GNG7: variants seen among roughly 807,000 people sequenced by gnomAD.
GNG7 encodes G protein subunit gamma 7.
GNG7 carries 1 observed loss-of-function variant against 4.0 expected under a neutral mutation model. The observed-to-expected ratio is 0.25, with a 90% confidence interval of 0.09 to 1.18. The LOEUF (loss-of-function observed/expected upper bound fraction) is 1.18. GNG7 is among the 50% of genes most tolerant of loss of function. The pLI is 0.50. For missense variants in GNG7, 86 were observed against 91.9 expected (o/e 0.94, Z 0.26); for synonymous variants, 34 against 36.9 (o/e 0.92, Z 0.29).
Position 2,612,510 on chromosome 19 carries a change from C to G in GNG7, c.-78+33714G>C, listed in dbSNP as rs568545598. ...CAGTGAGAAGACTGAAGCCAGGACC[C>G]CCCCCAGGCAGGACCCAGGCTCCCA... On this transcript the variant is annotated intron_variant, in intron 2 of 4. Transcript: ENST00000382159. Among the ~76,000 whole-genome samples the G allele has an allele frequency of 7.6e-4, 115 of 152,190 alleles. 2 individuals are homozygous for G. The highest frequency in any genetic ancestry group is 2.6e-3 in the African/African-American group (109 of 41,542).
intron 2 of GNG7, among the ~76,000 whole-genome samples, chr19:2,599,737 G>C (rs1981142705): frequency 1.3e-5 from 2 of 152,108 alleles, no homozygotes; most frequent in Non-Finnish European, 2.9e-5. Flanking sequence ...AGGAGTTCGA[G>C]ACCAGCCTGG....
intron 1 of GNG7, among the ~76,000 whole-genome samples, chr19:2,668,160 T>G (rs1983357592): frequency 6.6e-6 from 1 of 151,788 alleles, no homozygotes; most frequent in African/African-American, 2.4e-5. Context: ...GATGAAACTG[T>G]CTGCACTGCA....
intron 1 of GNG7, among the ~76,000 whole-genome samples, chr19:2,687,059 T>C (rs925976105): frequency 4.0e-5 from 6 of 148,340 alleles, no homozygotes; most frequent in Admixed American, 1.3e-4. Flanking sequence ...GCCACTTTTT[T>C]TCTTTTTTTT....
intron 1 of GNG7, among the ~76,000 whole-genome samples, chr19:2,665,079 A>G (rs1381765381): frequency 6.6e-6 from 1 of 151,226 alleles, no homozygotes; most frequent in Non-Finnish European, 1.5e-5. Context: ...GGGAGAGAGG[A>G]GGTGAATCCC....
chr19:2,577,995 G>A (rs775378915), intron 2 of GNG7, among the ~76,000 whole-genome samples: 2 of 151,834 alleles, frequency 1.3e-5, no homozygotes, highest in Non-Finnish European at 2.9e-5. Flanking sequence ...GCACCACCAC[G>A]CCCGGCTAAT....
At chr19:2,536,957 T>A (rs956880240) in intron 3 of GNG7, among the ~76,000 whole-genome samples, 5 of 150,910 alleles carry the variant, frequency 3.3e-5, no homozygotes, top group Admixed American at 6.6e-5. Flanking sequence ...TTTTTATTTT[T>A]TTTTTTTGAG....
At chr19:2,587,267 A>G (rs1234746929) in intron 2 of GNG7, among the ~76,000 whole-genome samples, 3 of 152,012 alleles carry the variant, frequency 2.0e-5, no homozygotes, top group Non-Finnish European at 4.4e-5. Flanking sequence ...GCCTGGACCG[A>G]AGCATTCCCA....
intron 2 of GNG7, chr19:2,595,423 T>C (rs1011007158): frequency 2.6e-5 from 4 of 150,954 alleles, no homozygotes; most frequent in African/African-American, 9.7e-5. Context: ...TGAGCCACCA[T>C]GCCCGGCTGA....
intron 2 of GNG7, among the ~76,000 whole-genome samples, chr19:2,568,976 A>AC (rs1980057983): frequency 6.6e-6 from 1 of 151,760 alleles, no homozygotes; most frequent in Non-Finnish European, 1.5e-5. Context: ...TGTGCACAAA[A>AC]ACATACACAT....
chr19:2,621,259 C>G (rs1981861030), intron 2 of GNG7, among the ~76,000 whole-genome samples: 1 of 152,106 alleles, frequency 6.6e-6, no homozygotes, highest in Admixed American at 6.6e-5. Flanking sequence ...TGTGGTGGTC[C>G]ACACCTGTGG....
At chr19:2,561,949 C>G (rs1979754073) in intron 2 of GNG7, among the ~76,000 whole-genome samples, 1 of 152,156 alleles carries the variant, frequency 6.6e-6, no homozygotes, top group Non-Finnish European at 1.5e-5. Flanking sequence ...GAGCAAAGTG[C>G]CCAGCAGAGG....
At chr19:2,558,020 T>C (rs1259292024) in intron 2 of GNG7, among the ~76,000 whole-genome samples, 2 of 151,796 alleles carry the variant, frequency 1.3e-5, no homozygotes, top group East Asian at 3.9e-4. Context: ...TTTTTGTGTT[T>C]TTAGTAGAGA....
intron 1 of GNG7, among the ~76,000 whole-genome samples, chr19:2,648,877 T>TTTTTTTG (rs1295389210): frequency 6.6e-6 from 1 of 151,786 alleles, no homozygotes; most frequent in Admixed American, 6.6e-5. Flanking sequence ...CATGTGTTTT[T>TTTTTTTG]TTTTTTGTTT....
chr19:2,583,666 T>A (rs1335525015), intron 2 of GNG7, among the ~76,000 whole-genome samples: 1 of 152,194 alleles, frequency 6.6e-6, no homozygotes, highest in Middle Eastern at 3.2e-3. Context: ...ACCTGAAGAA[T>A]TATTATGGAT....
intron 3 of GNG7, among the ~76,000 whole-genome samples, chr19:2,530,150 C>T (rs565040351): frequency 9.9e-5 from 15 of 151,390 alleles, no homozygotes; most frequent in South Asian, 8.4e-4. Context: ...CGGCGGCTCA[C>T]GCCTGTGATC....
intron 3 of GNG7, among the ~76,000 whole-genome samples, chr19:2,540,491 C>T (rs994291992): frequency 2.6e-5 from 4 of 152,192 alleles, no homozygotes; most frequent in East Asian, 1.9e-4. Flanking sequence ...CTTAGCCCGA[C>T]GGCGTGCCCA....
At chr19:2,569,041 A>G (rs1980061556) in intron 2 of GNG7, among the ~76,000 whole-genome samples, 1 of 146,654 alleles carries the variant, frequency 6.8e-6, no homozygotes, top group Non-Finnish European at 1.5e-5. Flanking sequence ...AAAAGCACAA[A>G]CATATACACA....
chr19:2,521,761 G>A (rs1226491479), intron 3 of GNG7, among the ~76,000 whole-genome samples: 3 of 151,640 alleles, frequency 2.0e-5, no homozygotes, highest in East Asian at 1.9e-4. Context: ...TTACAGGCAC[G>A]TGCCACCACA....
At chr19:2,522,617 T>G (rs1002628934) in intron 3 of GNG7, among the ~76,000 whole-genome samples, 1 of 151,106 alleles carries the variant, frequency 6.6e-6, no homozygotes, top group South Asian at 2.1e-4. Context: ...CCGGGCGTGG[T>G]GGCGGGTGCC....
Sources: gnomAD v4.1 joint callset for allele counts (sites outside exome capture counted in the v4.1 genomes callset) on GRCh38, gnomAD v4.1.1 for gene constraint, MANE v1.5 for transcripts, NCBI Gene and HGNC (gene_info 2026-07-23, HGNC 2026-07-21) for gene names.